Variants in ST6GALNAC3 observed in about 807,000 individuals in gnomAD.
ST6GALNAC3 encodes the protein ST6 N-acetylgalactosaminide alpha-2,6-sialyltransferase 3.
A neutral mutation model predicts 32.7 loss-of-function variants in ST6GALNAC3; 25 were observed. That is an observed-to-expected ratio of 0.76 (90% CI 0.56 to 1.07). ST6GALNAC3 has a LOEUF of 1.07. ST6GALNAC3 is among the 50% of genes least tolerant of loss of function. The probability of loss-of-function intolerance (pLI) is 0.00; values close to 1 mark genes in which losing one functional copy is unlikely to be tolerated. For missense variants in ST6GALNAC3, 355 were observed against 382.4 expected (o/e 0.93, Z 0.60); for synonymous variants, 129 against 133.1 (o/e 0.97, Z 0.21).
At chr1:76,582,996 A>C (rs1646912887) in intron 3 of ST6GALNAC3, among the ~76,000 whole-genome samples, 1 of 152,232 alleles carries the variant, frequency 6.6e-6, no homozygotes, top group Admixed American at 6.5e-5. Context: ...CGTATGTAAT[A>C]GTTTCTCAAA....
chr1:76,629,340 A>G lies in ST6GALNAC3; in HGVS notation c.*534A>G. The G allele has an allele frequency of 2.0e-6, 2 of 985,496 alleles. No homozygotes were observed. The highest frequency in any genetic ancestry group is 2.4e-6 in the Non-Finnish European group (2 of 829,924). The allele number at this position is 985,496 out of a possible 1,614,324, so 61.0% of individuals were successfully genotyped here. Reference sequence around the variant, plus strand: ...GGAAAATATCTCTTCCTAATATACCATCTTTCTACAGTATTTCCTACAGCT... The same window carrying G: ...GGAAAATATCTCTTCCTAATATACCGTCTTTCTACAGTATTTCCTACAGCT... On this transcript the variant is annotated 3_prime_UTR_variant, in exon 5 of 5. Coordinates refer to ENST00000328299, the MANE Select transcript of ST6GALNAC3 (RefSeq NM_152996.4).
chr1:76,413,186 T>C (rs550692745), intron 3 of ST6GALNAC3, among the ~76,000 whole-genome samples: 2 of 152,120 alleles, frequency 1.3e-5, no homozygotes, highest in Non-Finnish European at 2.9e-5. Flanking sequence ...ATCTCTTCTG[T>C]AACTGAATTG....
At chr1:76,295,374 T>C (rs1660340133) in intron 1 of ST6GALNAC3, among the ~76,000 whole-genome samples, 1 of 152,134 alleles carries the variant, frequency 6.6e-6, no homozygotes, top group Non-Finnish European at 1.5e-5. Flanking sequence ...CTCGGTACTA[T>C]TGCATTTGGT....
chr1:76,232,591 C>T (rs753491911), intron 1 of ST6GALNAC3, among the ~76,000 whole-genome samples: 5 of 152,198 alleles, frequency 3.3e-5, no homozygotes, highest in Non-Finnish European at 7.3e-5. Flanking sequence ...GGAGAAGGTC[C>T]TCTCCTTAAG....
chr1:76,205,844 A>AG (rs1553165235), intron 1 of ST6GALNAC3, among the ~76,000 whole-genome samples: 1 of 6,102 alleles, frequency 1.6e-4, no homozygotes, highest in South Asian at 0.025. Flanking sequence ...GGGATGTTAA[A>AG]GATTAGACCA....
intron 1 of ST6GALNAC3, among the ~76,000 whole-genome samples, chr1:76,137,014 C>CA (rs2100258040): frequency 6.6e-6 from 1 of 152,252 alleles, no homozygotes; most frequent in South Asian, 2.1e-4. Flanking sequence ...ATAAGAAAGC[C>CA]AAAACTCAGA....
intron 3 of ST6GALNAC3, among the ~76,000 whole-genome samples, chr1:76,558,431 C>T (rs1159514285): frequency 6.6e-6 from 1 of 152,230 alleles, no homozygotes; most frequent in East Asian, 1.9e-4. Flanking sequence ...GAAATATTGC[C>T]CTTTGCAGCA....
chr1:76,201,076 G>A (rs1654489857), intron 1 of ST6GALNAC3, among the ~76,000 whole-genome samples: 1 of 152,024 alleles, frequency 6.6e-6, no homozygotes, highest in African/African-American at 2.4e-5. Flanking sequence ...AAGGAAAAAA[G>A]GCCAAGATTA....
chr1:76,141,534 GT>G (rs200760037), intron 1 of ST6GALNAC3, among the ~76,000 whole-genome samples: 2 of 151,774 alleles, frequency 1.3e-5, no homozygotes, highest in South Asian at 4.2e-4. Context: ...ATAGCATGTA[GT>G]TTTTTTTTAA....
At chr1:76,256,451 C>A (rs989750380) in intron 1 of ST6GALNAC3, among the ~76,000 whole-genome samples, 24 of 152,130 alleles carry the variant, frequency 1.6e-4, no homozygotes, top group African/African-American at 5.5e-4. Flanking sequence ...AGTTCCTGAA[C>A]AAGTTGCTTC....
At chr1:76,635,798 A>G (rs2100750938), downstream of ST6GALNAC3, among the ~76,000 whole-genome samples, 1 of 152,278 alleles carries the variant, frequency 6.6e-6, no homozygotes, top group East Asian at 1.9e-4. Flanking sequence ...TAAAAGGGAA[A>G]GAGCAAAAAG....
At chr1:76,202,035 C>G (rs1332640420) in intron 1 of ST6GALNAC3, among the ~76,000 whole-genome samples, 1 of 152,050 alleles carries the variant, frequency 6.6e-6, no homozygotes, top group Non-Finnish European at 1.5e-5. Context: ...ACTCAGCACT[C>G]CTGAGTAAAG....
At chr1:76,531,278 T>C (rs1298877326) in intron 3 of ST6GALNAC3, among the ~76,000 whole-genome samples, 2 of 152,176 alleles carry the variant, frequency 1.3e-5, no homozygotes, top group African/African-American at 4.8e-5. Context: ...TTTATTAGCA[T>C]GTGTAAATAT....
In ST6GALNAC3 at chr1:76,132,912, G is replaced by A. The variant is rs186451056; in HGVS notation, c.18+58028G>A. ...GGCCTTTATCTTAATGGCCATAATG[G>A]TTTTCTGAACCATTTTCCAGGGAGC... On this transcript the variant is annotated intron_variant, in intron 1 of 4. Coordinates refer to ENST00000328299, the MANE Select transcript of ST6GALNAC3 (RefSeq NM_152996.4). Among the ~76,000 whole-genome samples, 164 of 152,174 alleles carry A rather than the reference G, an allele frequency of 1.1e-3. 1 individual carries two copies. Among genetic ancestry groups the A allele is most frequent in the African/African-American group, 3.8e-3 (157 of 41,514 alleles).
At chr1:76,238,220 G>T (rs1656767339) in intron 1 of ST6GALNAC3, among the ~76,000 whole-genome samples, 2 of 152,150 alleles carry the variant, frequency 1.3e-5, no homozygotes. Flanking sequence ...CCTGGCTATT[G>T]CCTTGGATTC....
intron 2 of ST6GALNAC3, among the ~76,000 whole-genome samples, chr1:76,395,531 A>C (rs1253681171): frequency 6.6e-6 from 1 of 152,122 alleles, no homozygotes; most frequent in Non-Finnish European, 1.5e-5. Flanking sequence ...AATGACATGG[A>C]TTCAATCTAA....
chr1:76,145,633 A>G (rs1442265767), intron 1 of ST6GALNAC3, among the ~76,000 whole-genome samples: 1 of 152,254 alleles, frequency 6.6e-6, no homozygotes, highest in Non-Finnish European at 1.5e-5. Flanking sequence ...TCAGGACTGC[A>G]TGGCTGTTTA....
intron 3 of ST6GALNAC3, among the ~76,000 whole-genome samples, chr1:76,437,914 T>A (rs1656269495): frequency 6.6e-6 from 1 of 151,976 alleles, no homozygotes; most frequent in Non-Finnish European, 1.5e-5. Context: ...TATTAATCAT[T>A]TTGTTTCATT....
chr1:76,419,699 G>C (rs1036215413), intron 3 of ST6GALNAC3, among the ~76,000 whole-genome samples: 2 of 151,922 alleles, frequency 1.3e-5, no homozygotes, highest in African/African-American at 4.8e-5. Context: ...TGGTTGTTTT[G>C]AAAATTTTCA....
Sources: allele counts gnomAD v4.1 joint callset (sites outside exome capture counted in the v4.1 genomes callset), GRCh38; gene constraint gnomAD v4.1.1; transcripts MANE v1.5; gene names NCBI Gene and HGNC (gene_info 2026-07-23, HGNC 2026-07-21).